The following PPP2R5C variants were observed in gnomAD, a reference collection of about 807,000 sequenced individuals.
PPP2R5C encodes the protein serine/threonine-protein phosphatase 2A 56 kDa regulatory subunit gamma isoform.
In PPP2R5C, 7 loss-of-function variants were observed where a neutral mutation model predicts 68.9. That is an observed-to-expected ratio of 0.10 (90% CI 0.06 to 0.19). The LOEUF (loss-of-function observed/expected upper bound fraction) is 0.19, where lower values mean the gene tolerates loss of function less well. Among genes scored for constraint, PPP2R5C ranks in the 10% least tolerant of loss-of-function variants. The probability of loss-of-function intolerance (pLI) is 1.00; values close to 1 mark genes in which losing one functional copy is unlikely to be tolerated. For synonymous variants in PPP2R5C, 210 were observed against 222.2 expected, an observed-to-expected ratio of 0.95 and a Z score of 0.49; for missense variants, 348 against 641.3, an observed-to-expected ratio of 0.54 and a Z score of 4.94.
At chr14:101,824,423 AC>A in intron 1 of PPP2R5C, 1 of 192,618 alleles carries the variant, frequency 5.2e-6, no homozygotes. Flanking sequence ...TGAAAAAAAA[AC>A]CTATGCACGC....
At chr14:101,895,553 G>A (rs1418825217) in intron 8 of PPP2R5C, among the ~76,000 whole-genome samples, 2 of 152,088 alleles carry the variant, frequency 1.3e-5, no homozygotes, top group Non-Finnish European at 1.5e-5. Flanking sequence ...CCTTATATAA[G>A]GAGAATCATA....
chr14:101,901,396 C>T (rs1355982075), intron 8 of PPP2R5C, among the ~76,000 whole-genome samples: 1 of 152,064 alleles, frequency 6.6e-6, no homozygotes, highest in African/African-American at 2.4e-5. Flanking sequence ...GCAGGTGGTA[C>T]GTGCCTGTGG....
At chr14:101,861,619 T>C (rs2042742352) in intron 2 of PPP2R5C, among the ~76,000 whole-genome samples, 1 of 152,216 alleles carries the variant, frequency 6.6e-6, no homozygotes, top group African/African-American at 2.4e-5. Flanking sequence ...ATGACCCTTG[T>C]GCACACATGG....
At chr14:101,767,926 T>A (rs781755633) in intron 2 of PPP2R5C, among the ~76,000 whole-genome samples, 1 of 152,152 alleles carries the variant, frequency 6.6e-6, no homozygotes, top group Non-Finnish European at 1.5e-5. Flanking sequence ...CCCATTCCTG[T>A]CCTACATCAC....
intron 1 of PPP2R5C, among the ~76,000 whole-genome samples, chr14:101,762,146 G>A (rs1191363688): frequency 6.6e-6 from 1 of 151,696 alleles, no homozygotes; most frequent in Non-Finnish European, 1.5e-5. Flanking sequence ...CGGGGCGCAG[G>A]CCCGGGCCGC....
chr14:101,827,193 C>G (rs1380471552), intron 1 of PPP2R5C, among the ~76,000 whole-genome samples: 1 of 151,960 alleles, frequency 6.6e-6, no homozygotes, highest in Non-Finnish European at 1.5e-5. Context: ...CCAGGCTGGT[C>G]TCAAACTCCT....
Position 101,906,644 on chromosome 14 carries a change from G to A in PPP2R5C, c.1151+115G>A, listed in dbSNP as rs2046040866. The stretch of plus-strand genomic sequence containing the variant: ...TAAATATCAATTAAAAAACAAGAAG[G>A]TCAGTTGCTTTGTGGACTCATAAAT... On this transcript the variant is annotated intron_variant, in intron 10 of 13. Coordinates refer to ENST00000334743, the Ensembl canonical transcript of PPP2R5C. The surrounding 1 kb of genome is among the most constrained non-coding windows in gnomAD (Gnocchi z 4.0). 1 of 1,365,960 alleles carries A rather than the reference G, an allele frequency of 7.3e-7. No individual in the cohort carries two copies. Among genetic ancestry groups the A allele is most frequent in the East Asian group, 2.4e-5 (1 of 40,988 alleles). The allele number at this position is 1,365,960 out of a possible 1,614,324, so 84.6% of individuals were successfully genotyped here.
At chr14:101,816,757 G>A (rs2039695764) in intron 1 of PPP2R5C, among the ~76,000 whole-genome samples, 3 of 151,200 alleles carry the variant, frequency 2.0e-5, no homozygotes, top group African/African-American at 7.3e-5. Flanking sequence ...GTCAAAGCAT[G>A]AACAGTTGTT....
intron 2 of PPP2R5C, among the ~76,000 whole-genome samples, chr14:101,774,840 CT>C (rs1171452670): frequency 6.6e-6 from 1 of 152,158 alleles, no homozygotes; most frequent in African/African-American, 2.4e-5. Context: ...AAACCTTTTT[CT>C]GTAAAGGGCC....
intron 1 of PPP2R5C, among the ~76,000 whole-genome samples, chr14:101,829,671 G>A (rs1215819879): frequency 2.0e-5 from 3 of 152,164 alleles, no homozygotes; most frequent in African/African-American, 7.2e-5. Flanking sequence ...GTTTGTGTGT[G>A]TGTTTGGTCG....
At chr14:101,870,062 T>G (rs369865501) in intron 2 of PPP2R5C, among the ~76,000 whole-genome samples, 13 of 142,944 alleles carry the variant, frequency 9.1e-5, no homozygotes, top group Non-Finnish European at 1.4e-4. Flanking sequence ...TTTTTTTTTT[T>G]TTTTGAGTTT....
intron 1 of PPP2R5C, among the ~76,000 whole-genome samples, chr14:101,855,556 T>C (rs1469369522): frequency 6.6e-6 from 1 of 152,256 alleles, no homozygotes; most frequent in African/African-American, 2.4e-5. Flanking sequence ...TTTGAATGGC[T>C]CTTTTGCCCT....
chr14:101,823,980 A>G, intron 1 of PPP2R5C: 1 of 1,289,086 alleles, frequency 7.8e-7, no homozygotes, highest in Non-Finnish European at 1.0e-6. Context: ...TATGGATGAA[A>G]TTAACTTATC....
At chr14:101,824,049 A>G in intron 1 of PPP2R5C, 1 of 1,289,128 alleles carries the variant, frequency 7.8e-7, no homozygotes, top group Non-Finnish European at 1.0e-6. Context: ...ACAGCCCCAG[A>G]GCTCCTGTTG....
intron 1 of PPP2R5C, among the ~76,000 whole-genome samples, chr14:101,828,675 TC>T (rs1240328932): frequency 5.5e-5 from 8 of 144,534 alleles, no homozygotes; most frequent in Non-Finnish European, 1.1e-4. Flanking sequence ...TCACAGATAC[TC>T]TTTTTTTTTT....
intron 2 of PPP2R5C, among the ~76,000 whole-genome samples, chr14:101,872,689 T>G (rs906562857): frequency 6.6e-6 from 1 of 152,210 alleles, no homozygotes; most frequent in African/African-American, 2.4e-5. Context: ...AATGTACCCT[T>G]TCCCCCTCTG....
intron 5 of PPP2R5C, among the ~76,000 whole-genome samples, chr14:101,885,716 A>G (rs1241335588): frequency 2.0e-5 from 3 of 152,230 alleles, no homozygotes; most frequent in Non-Finnish European, 4.4e-5. Context: ...CACATTAACT[A>G]TAACAGAGAA....
intron 13 of PPP2R5C, among the ~76,000 whole-genome samples, chr14:101,919,968 T>TCCAAAAAAAAA (rs1291259668): frequency 1.1e-4 from 3 of 26,314 alleles, no homozygotes; most frequent in African/African-American, 4.6e-4. Flanking sequence ...AAACTCCGTC[T>TCCAAAAAAAAA]CAAAAAAAAA....
At chr14:101,784,800 C>T (rs1015706589) in intron 2 of PPP2R5C, among the ~76,000 whole-genome samples, 4 of 152,180 alleles carry the variant, frequency 2.6e-5, no homozygotes, top group South Asian at 2.1e-4. Context: ...ATCATCTTGA[C>T]GGTGGACACA....
Sources: gnomAD v4.1 joint callset for allele counts (sites outside exome capture counted in the v4.1 genomes callset) on GRCh38, gnomAD v4.1.1 for gene constraint, Gnocchi (gnomAD v3.1) non-coding constraint, MANE v1.5 for transcripts, NCBI Gene and HGNC (gene_info 2026-07-23, HGNC 2026-07-21) for gene names.